Variants in TPP2 observed in about 807,000 individuals in gnomAD.
TPP2 encodes the protein tripeptidyl peptidase 2.
TPP2 carries 34 observed loss-of-function variants against 155.9 expected under a neutral mutation model. The observed-to-expected ratio is 0.22, with a 90% CI of 0.17 to 0.29. TPP2 has a LOEUF of 0.29. Among genes scored for constraint, TPP2 ranks in the 10% least tolerant of loss-of-function variants. The pLI, the probability that TPP2 is intolerant of heterozygous loss-of-function variation, is 1.00. For missense variants in TPP2, 1,028 were observed against 1,522.3 expected, an observed-to-expected ratio of 0.68 and a Z score of 5.40; for synonymous variants, 510 against 529.4, an observed-to-expected ratio of 0.96 and a Z score of 0.50.
rs747093622 is a variant in TPP2 at position 102,648,862 on chromosome 13, C to G, written c.2629-45C>G. On this transcript the variant is annotated intron_variant, in intron 21 of 29. Coordinates refer to ENST00000376052, the MANE Select transcript of TPP2 (RefSeq NM_001330588.2). ...ATCCTCTTTCAGTGATTTCCGTTGACTTGGTTAAACTTAACTTTTCCCAAA... is the reference window on the plus strand; with the variant it reads ...ATCCTCTTTCAGTGATTTCCGTTGAGTTGGTTAAACTTAACTTTTCCCAAA... 2.6e-6 allele frequency: 4 copies of G among 1,543,142 alleles called. No homozygotes were observed. The South Asian group carries it at 5.2e-5, about 20-fold the overall frequency.
intron 27 of TPP2, among the ~76,000 whole-genome samples, chr13:102,665,318 A>G (rs1009628829): frequency 2.0e-5 from 3 of 152,234 alleles, no homozygotes; most frequent in African/African-American, 4.8e-5. Context: ...TTGGTTTGTA[A>G]TAATTACATG....
intron 2 of TPP2, among the ~76,000 whole-genome samples, chr13:102,608,874 CTTA>C (rs1467407687): frequency 6.6e-6 from 1 of 152,076 alleles, no homozygotes; most frequent in Non-Finnish European, 1.5e-5. Context: ...CCCTAGCTGT[CTTA>C]TTTTAGCAAG....
chr13:102,673,825 G>T (rs1320301116), intron 27 of TPP2, among the ~76,000 whole-genome samples: 2 of 152,170 alleles, frequency 1.3e-5, no homozygotes, highest in Non-Finnish European at 1.5e-5. Flanking sequence ...TGAGACAGTT[G>T]CTGGCACATT....
chr13:102,675,240 G>C (rs532353294), intron 28 of TPP2, among the ~76,000 whole-genome samples: 3 of 152,154 alleles, frequency 2.0e-5, no homozygotes, highest in Non-Finnish European at 2.9e-5. Context: ...ATATGGTTCA[G>C]ATTTTTCCAA....
chr13:102,625,354 C>T (rs571068075), intron 6 of TPP2, among the ~76,000 whole-genome samples: 35 of 151,404 alleles, frequency 2.3e-4, no homozygotes, highest in East Asian at 1.9e-4. Context: ...TTAGTAGAGA[C>T]GGGGTTTCAC....
chr13:102,605,462 T>A (rs562533765), intron 2 of TPP2, among the ~76,000 whole-genome samples: 1 of 152,354 alleles, frequency 6.6e-6, no homozygotes, highest in African/African-American at 2.4e-5. Flanking sequence ...AAGAAATGAA[T>A]CATTGGAGCT....
chr13:102,659,378 C>T (rs1884058783), intron 25 of TPP2, among the ~76,000 whole-genome samples: 1 of 152,032 alleles, frequency 6.6e-6, no homozygotes, highest in South Asian at 2.1e-4. Flanking sequence ...TCAATGAACT[C>T]AAAGTAAATG....
At chr13:102,614,015 A>C in intron 2 of TPP2, 86 bp from the exon 3 acceptor site, 1 of 1,123,994 alleles carries the variant, frequency 8.9e-7, no homozygotes, top group South Asian at 1.5e-5. Flanking sequence ...TTAGAGTAGA[A>C]GTAATATACT....
intron 27 of TPP2, among the ~76,000 whole-genome samples, chr13:102,672,181 C>T (rs1885023393): frequency 6.6e-6 from 1 of 152,158 alleles, no homozygotes; most frequent in Non-Finnish European, 1.5e-5. Flanking sequence ...AAACAGCAGG[C>T]TAGGGACTGC....
Position 102,628,071 on chromosome 13 carries a change from C to T in TPP2, c.1016+147C>T, listed in dbSNP as rs965312422. On this transcript the variant is annotated intron_variant, in intron 8 of 29. Coordinates refer to ENST00000376052, the MANE Select transcript of TPP2 (RefSeq NM_001330588.2). ...AACTGTGTTCAAGAGGACTTTCATC[C>T]TCTTGAAGTCCTGTTTGGCTCGTAG... 44 of 651,408 alleles carry T rather than the reference C, an allele frequency of 6.8e-5. 1 individual carries two copies. Among genetic ancestry groups the T allele is most frequent in the Non-Finnish European group, 9.0e-5 (34 of 378,860 alleles). The allele number at this position is 651,408 out of a possible 1,614,324, so 40.4% of individuals were successfully genotyped here.
chr13:102,675,004 C>T (rs182124850), intron 28 of TPP2, among the ~76,000 whole-genome samples: 1 of 152,128 alleles, frequency 6.6e-6, no homozygotes, highest in Admixed American at 6.6e-5. Context: ...ATTTTGGTTA[C>T]AAAAACATTT....
chr13:102,663,145 T>C (rs1203061696), intron 25 of TPP2, among the ~76,000 whole-genome samples: 1 of 143,578 alleles, frequency 7.0e-6, no homozygotes, highest in South Asian at 2.2e-4. Flanking sequence ...TTTTAATTAA[T>C]TAATTAATTT....
At chr13:102,656,962 C>A in intron 24 of TPP2, 94 bp from the exon 25 acceptor site, 1 of 1,324,782 alleles carries the variant, frequency 7.5e-7, no homozygotes, top group Non-Finnish European at 1.0e-6. Flanking sequence ...AACTTAGGTG[C>A]AGCCCATGTT....
chr13:102,605,038 T>G (rs117163841), intron 2 of TPP2, 117 bp downstream of exon 2: 21,624 of 1,440,136 alleles, frequency 0.015, 239 homozygotes, highest in Non-Finnish European at 0.019. Flanking sequence ...CATATCAGAT[T>G]ACCTCAGAAC....
At chr13:102,605,251 C>G (rs1450950160) in intron 2 of TPP2, among the ~76,000 whole-genome samples, 8 of 152,228 alleles carry the variant, frequency 5.3e-5, no homozygotes, top group Admixed American at 5.2e-4. Context: ...GCCTTGGCTC[C>G]TTGCCATTGG....
Position 102,674,319 on chromosome 13 carries a change from C to G in TPP2, c.3408C>G (p.Ala1136=). ...AACAAAAATCCACCCTCGTAGATGC[C>G]CTTTGTAGGAAAGGTTGTGCCCTGG... The part of the protein sequence containing the change: ...MDKQKSTLVD[A]LCRKGCALAD... Residue 1136 remains alanine, a synonymous_variant, in exon 28 of 30, where the codon GCC becomes GCG. Transcript: ENST00000376052. The G allele has an allele frequency of 1.2e-6, 2 of 1,613,700 alleles. No individual in the cohort carries two copies. The highest frequency in any genetic ancestry group is 2.2e-5 in the South Asian group (2 of 91,054).
chr13:102,636,422 T>G, intron 13 of TPP2, 30 bp downstream of exon 13: 1 of 1,591,938 alleles, frequency 6.3e-7, no homozygotes, highest in Non-Finnish European at 8.5e-7. Context: ...TAAGCTGACG[T>G]ATTCACATTT....
chr13:102,633,738 C>A (rs558408375), intron 10 of TPP2, among the ~76,000 whole-genome samples: 1 of 152,292 alleles, frequency 6.6e-6, no homozygotes, highest in Admixed American at 6.5e-5. Flanking sequence ...TGTACACTTA[C>A]AAGGAAAAAA....
intron 2 of TPP2, chr13:102,607,779 T>C (rs1020258474): frequency 1.4e-4 from 44 of 324,268 alleles, no homozygotes; most frequent in African/African-American, 9.2e-4. Context: ...TTAGTAGAGA[T>C]GGAATTTTGC....
Sources: gnomAD v4.1 joint callset for allele counts (sites outside exome capture counted in the v4.1 genomes callset) on GRCh38, gnomAD v4.1.1 for gene constraint, MANE v1.5 for transcripts, NCBI Gene and HGNC (gene_info 2026-07-23, HGNC 2026-07-21) for gene names.